Variants in GNS observed in about 807,000 individuals in gnomAD.
GNS encodes the protein N-acetylglucosamine-6-sulfatase.
GNS carries 40 observed loss-of-function variants against 69.7 expected under a neutral mutation model. The observed-to-expected ratio is 0.57, with a 90% CI of 0.45 to 0.75. The LOEUF (loss-of-function observed/expected upper bound fraction) is 0.75. Among genes scored for constraint, GNS ranks in the 30% least tolerant of loss-of-function variants. GNS has a pLI of 0.00. For missense variants in GNS, 565 were observed against 685.5 expected (o/e 0.82, Z 1.96); for synonymous variants, 243 against 251.6 (o/e 0.97, Z 0.32).
intron 9 of GNS, among the ~76,000 whole-genome samples, chr12:64,734,858 T>A (rs951155340): frequency 6.6e-6 from 1 of 152,090 alleles, no homozygotes; most frequent in Non-Finnish European, 1.5e-5. Context: ...ATCCCAGCAC[T>A]TTGGGAGGCC....
intron 2 of GNS, among the ~76,000 whole-genome samples, chr12:64,751,594 C>T (rs912864066): frequency 3.9e-5 from 6 of 152,120 alleles, no homozygotes; most frequent in Admixed American, 1.3e-4. Flanking sequence ...AGTACTTTCT[C>T]GTATCTATTG....
At chr12:64,757,713 C>T (rs1870301028) in intron 1 of GNS, among the ~76,000 whole-genome samples, 1 of 152,162 alleles carries the variant, frequency 6.6e-6, no homozygotes, top group Non-Finnish European at 1.5e-5. Context: ...TCAAGTGTAA[C>T]ACACACACTC....
intron 5 of GNS, among the ~76,000 whole-genome samples, chr12:64,744,347 G>A (rs781537243): frequency 4.6e-5 from 7 of 152,210 alleles, no homozygotes; most frequent in South Asian, 2.1e-4. Flanking sequence ...CATTAGAAAC[G>A]CCTCAGAATA....
chr12:64,736,672 A>C (rs548560645), intron 9 of GNS, among the ~76,000 whole-genome samples: 1 of 152,362 alleles, frequency 6.6e-6, no homozygotes, highest in Non-Finnish European at 1.5e-5. Flanking sequence ...CCAAGCACGT[A>C]CCATTTTTCT....
intron 4 of GNS, 44 bp downstream of exon 4, chr12:64,745,615 T>C (rs1869875514): frequency 9.8e-7 from 1 of 1,024,710 alleles, no homozygotes; most frequent in Non-Finnish European, 1.6e-6. Context: ...ATTCTGCATC[T>C]GTAGGGCTGC....
intron 11 of GNS, 105 bp from the exon 12 acceptor site, chr12:64,721,810 T>G: frequency 1.3e-6 from 1 of 747,018 alleles, no homozygotes; most frequent in Non-Finnish European, 2.4e-6. Flanking sequence ...ACATGCAATT[T>G]GACAGCAATT....
chr12:64,740,610 T>G lies in GNS; in HGVS notation c.871A>C (p.Lys291Gln). The G allele has an allele frequency of 2.0e-6, 3 of 1,520,098 alleles. No individual in the cohort carries two copies. Among genetic ancestry groups the G allele is most frequent in the Non-Finnish European group, 2.7e-6 (3 of 1,094,096 alleles). 94.2% of individuals were successfully genotyped at this position (1,520,098 alleles called of 1,614,324 possible). A position where few individuals can be genotyped will look rare whatever the true frequency, so the allele number is the denominator to read the frequency against. The change falls in exon 7 of 14, where the codon AAA becomes CAA. Residue 291 changes from lysine to glutamine, a missense_variant. Lys to Gln is a moderately conservative substitution (Grantham distance 53, BLOSUM62 1). Transcript: ENST00000258145. The part of the protein sequence containing the change: ...SIQFLDNAFR[K>Q]RWQTLLSVDD... ...TTATGTAGCAGCAGCTCTTACCTTTTCCTAAATGCATTATCTAAAAACTGT... is the reference window on the plus strand; with the variant it reads ...TTATGTAGCAGCAGCTCTTACCTTTGCCTAAATGCATTATCTAAAAACTGT...
At position 64,759,371 on chromosome 12, in the gene GNS, A is replaced by G; in HGVS notation, c.-95T>C. On this transcript the variant is annotated 5_prime_UTR_variant, in exon 1 of 14. Coordinates refer to ENST00000258145, the MANE Select transcript of GNS (RefSeq NM_002076.4). ...GAGGCCGACCAGCCGAAGGAATAAAAAGCCGTGCCTTGAAGGCCGGTGGCT... is the reference window on the plus strand; with the variant it reads ...GAGGCCGACCAGCCGAAGGAATAAAGAGCCGTGCCTTGAAGGCCGGTGGCT... 2.3e-6 allele frequency: 2 copies of G among 858,472 alleles called. No individual in the cohort carries two copies. The highest frequency in any genetic ancestry group is 1.7e-6 in the Non-Finnish European group (1 of 573,480). 53.2% of individuals were successfully genotyped at this position (858,472 alleles called of 1,614,324 possible). A position where few individuals can be genotyped will look rare whatever the true frequency, so the allele number is the denominator to read the frequency against.
chr12:64,759,252 C>G lies in GNS; in HGVS notation c.25G>C (p.Gly9Arg). 3 of 1,539,994 alleles carry G rather than the reference C, an allele frequency of 1.9e-6. No homozygotes were observed. The highest frequency in any genetic ancestry group is 1.8e-6 in the Non-Finnish European group (2 of 1,142,390). The change falls in exon 1 of 14, where the codon GGT becomes CGT. Residue 9 changes from glycine (G) to arginine (R), a missense_variant. Transcript: ENST00000258145. MRLLPLAP[G>R]RLRRGSPRHL... ...CGGGGGCTGCCCCGCCGGAGCCGACCTGGGGCTAGAGGCAGGAGCCGCATA... is the reference window on the plus strand; with the variant it reads ...CGGGGGCTGCCCCGCCGGAGCCGACGTGGGGCTAGAGGCAGGAGCCGCATA...
At chr12:64,755,678 A>ATT (rs760719152) in intron 1 of GNS, among the ~76,000 whole-genome samples, 27 of 129,350 alleles carry the variant, frequency 2.1e-4, no homozygotes, top group African/African-American at 2.6e-4. Flanking sequence ...AGAGTAAATG[A>ATT]TTTTTTTTTT....
chr12:64,734,753 C>T (rs1869510154), intron 9 of GNS, among the ~76,000 whole-genome samples: 1 of 152,204 alleles, frequency 6.6e-6, no homozygotes, highest in Non-Finnish European at 1.5e-5. Context: ...GCCTAAGAGG[C>T]TTTCACTGAC....
At chr12:64,754,361 G>A (rs554672924) in intron 1 of GNS, among the ~76,000 whole-genome samples, 1 of 152,266 alleles carries the variant, frequency 6.6e-6, no homozygotes, top group East Asian at 1.9e-4. Context: ...CTCTCAGGAG[G>A]TAACTTCAGT....
chr12:64,747,606 G>T, intron 3 of GNS, 106 bp downstream of exon 3: 1 of 738,968 alleles, frequency 1.4e-6, no homozygotes. Context: ...AGAAAACAAC[G>T]TATACCAAGA....
chr12:64,719,148 A>G (rs1363408254), intron 13 of GNS, among the ~76,000 whole-genome samples: 1 of 152,246 alleles, frequency 6.6e-6, no homozygotes, highest in African/African-American at 2.4e-5. Context: ...AAAAGCAAAC[A>G]ATGAACAGTC....
rs2136237916 is a variant in GNS at position 64,723,080 on chromosome 12, C to T, written c.1234G>A (p.Val412Ile). 1.2e-6 allele frequency: 2 copies of T among 1,612,060 alleles called. No individual in the cohort carries two copies. The highest frequency in any genetic ancestry group is 2.2e-5 in the South Asian group (2 of 91,048). The change falls in exon 11 of 14, where the codon GTC (valine) becomes ATC (isoleucine). Residue 412 changes from valine (V) to isoleucine (I), a missense_variant. Transcript: ENST00000258145. ...GASNLTWRSD[V>I]LVEYQGEGRN... Reference sequence around the variant, plus strand: ...CCTTCTCCTTGGTATTCCACCAGGACATCTGATCGCCAGGTCAAGTTACTG... The same window carrying T: ...CCTTCTCCTTGGTATTCCACCAGGATATCTGATCGCCAGGTCAAGTTACTG...
intron 2 of GNS, 93 bp downstream of exon 2, chr12:64,752,605 C>T: frequency 1.4e-6 from 1 of 739,220 alleles, no homozygotes; most frequent in Non-Finnish European, 2.5e-6. Context: ...AGGAAAAAAC[C>T]ACATAGATCA....
chr12:64,751,697 C>G (rs1870081705), intron 2 of GNS, among the ~76,000 whole-genome samples: 1 of 152,022 alleles, frequency 6.6e-6, no homozygotes, highest in African/African-American at 2.4e-5. Context: ...TATAAGAAGT[C>G]AGGCATTGGC....
intron 1 of GNS, among the ~76,000 whole-genome samples, chr12:64,758,117 C>A (rs1299170488): frequency 1.3e-5 from 2 of 152,046 alleles, no homozygotes; most frequent in African/African-American, 4.8e-5. Flanking sequence ...CTGCAATACA[C>A]AAGCAAAATT....
In GNS at chr12:64,739,355, C is replaced by T. The variant is rs1387333243; in HGVS notation, c.994+26G>A. The T allele has an allele frequency of 4.8e-6, 5 of 1,046,936 alleles. No individual in the cohort carries two copies. The Admixed American group carries it at 6.7e-5, about 14-fold the overall frequency. The allele number at this position is 1,046,936 out of a possible 1,614,324, so 64.9% of individuals were successfully genotyped here. On this transcript the variant is annotated intron_variant, in intron 8 of 13. Coordinates refer to ENST00000258145, the MANE Select transcript of GNS (RefSeq NM_002076.4). ...AGGAAAGACATATTCTCAAAGATCA[C>T]AGCAGTACCTACTCCTGCCTCTGAC...
Sources: allele counts gnomAD v4.1 joint callset (sites outside exome capture counted in the v4.1 genomes callset), GRCh38; gene constraint gnomAD v4.1.1; transcripts MANE v1.5; gene names NCBI Gene and HGNC (gene_info 2026-07-23, HGNC 2026-07-21).